Variants in NFIA observed in about 807,000 individuals in gnomAD.
NFIA encodes the protein nuclear factor 1 A-type.
A neutral mutation model predicts 62.8 loss-of-function variants in NFIA; 8 were observed. That is an observed-to-expected ratio of 0.13 (90% CI 0.07 to 0.23). The LOEUF (loss-of-function observed/expected upper bound fraction) is 0.23. Among genes scored for constraint, NFIA ranks in the 10% least tolerant of loss-of-function variants. The pLI, the probability that NFIA is intolerant of heterozygous loss-of-function variation, is 1.00. For missense variants in NFIA, 410 were observed against 642.1 expected, an observed-to-expected ratio of 0.64 and a Z score of 3.91; for synonymous variants, 235 against 238.1, an observed-to-expected ratio of 0.99 and a Z score of 0.12.
chr1:61,147,986 GTTTAA>G (rs1410708503), intron 2 of NFIA, among the ~76,000 whole-genome samples: 2 of 152,250 alleles, frequency 1.3e-5, no homozygotes, highest in South Asian at 2.1e-4. Flanking sequence ...GGTGTGAATA[GTTTAA>G]TTTAGTAGGT....
intron 2 of NFIA, among the ~76,000 whole-genome samples, chr1:61,206,990 A>G (rs1417049288): frequency 1.3e-5 from 2 of 152,204 alleles, no homozygotes; most frequent in African/African-American, 4.8e-5. Context: ...TCTAGCACTA[A>G]TGGGAGTTAG....
intron 9 of NFIA, among the ~76,000 whole-genome samples, chr1:61,414,689 T>G (rs2499531): frequency 3.9e-5 from 6 of 152,126 alleles, no homozygotes; most frequent in Admixed American, 3.3e-4. Flanking sequence ...AGGGGAAATA[T>G]AAGGACTGTG....
Position 61,321,900 on chromosome 1 carries a change from T to C in NFIA, c.626-10612T>C, listed in dbSNP as rs556829287. ...CATGAACTTTCTTTCTATGAAGTCA[T>C]TGGGCAATCACATTTAGTTTAATTA... On this transcript the variant is annotated intron_variant, in intron 3 of 10. Coordinates refer to ENST00000403491, the MANE Select transcript of NFIA (RefSeq NM_001134673.4). Among the ~76,000 whole-genome samples, 7 of 152,348 alleles carry C rather than the reference T, an allele frequency of 4.6e-5. No individual in the cohort carries two copies. The South Asian group carries it at 1.0e-3, about 23-fold the overall frequency.
At chr1:61,082,326 C>T, upstream of NFIA, 1 of 265,966 alleles carries the variant, frequency 3.8e-6, no homozygotes, top group Non-Finnish European at 5.9e-6. Flanking sequence ...AGGCTCGGGA[C>T]CCGGCTGGCC....
rs1662601962 is a variant in NFIA, at chr1:61,352,578, T to C, written c.818+11T>C. The stretch of plus-strand genomic sequence containing the variant: ...CACATCCTCTACGAGGTAATTTTAT[T>C]GGCAGCTCTTGAAGAAATTATGCTA... On this transcript the variant is annotated intron_variant, in intron 5 of 10. Transcript: ENST00000403491. 1 of 1,587,026 alleles carries C rather than the reference T, an allele frequency of 6.3e-7. No homozygotes were observed. The highest frequency in any genetic ancestry group is 8.7e-7 in the Non-Finnish European group (1 of 1,155,512).
Position 61,205,930 on chromosome 1 carries a change from T to C in NFIA, c.560-71590T>C, listed in dbSNP as rs569217870. Among the ~76,000 whole-genome samples, 555 of 107,704 alleles carry C rather than the reference T, an allele frequency of 5.2e-3. 4 individuals are homozygous for C. The highest frequency in any genetic ancestry group is 0.018 in the African/African-American group (526 of 29,044). The allele number at this position is 107,704 out of a possible 152,430, so 70.7% of individuals were successfully genotyped here. On this transcript the variant is annotated intron_variant, in intron 2 of 10. Transcript: ENST00000403491. ...TTTTTTTTTTTTTTTTTTTTTTTTT[T>C]GAGACAGGGTCTTGCTTGCTGTGTC...
intron 3 of NFIA, among the ~76,000 whole-genome samples, chr1:61,321,260 A>C (rs1270798839): frequency 6.6e-6 from 1 of 151,866 alleles, no homozygotes; most frequent in African/African-American, 2.4e-5. Flanking sequence ...TAATCCCTAA[A>C]GATTATTTTT....
chr1:61,196,817 C>T (rs1403781772), intron 2 of NFIA, among the ~76,000 whole-genome samples: 1 of 151,528 alleles, frequency 6.6e-6, no homozygotes, highest in Non-Finnish European at 1.5e-5. Flanking sequence ...TGATGTAAAT[C>T]GACTTCTCTG....
intron 2 of NFIA, among the ~76,000 whole-genome samples, chr1:61,173,881 G>C (rs1650147211): frequency 6.6e-6 from 1 of 152,150 alleles, no homozygotes; most frequent in African/African-American, 2.4e-5. Context: ...CTGGGGTGAG[G>C]GTGGTACCTA....
At chr1:61,231,370 T>G (rs916850557) in intron 2 of NFIA, among the ~76,000 whole-genome samples, 6 of 152,204 alleles carry the variant, frequency 3.9e-5, no homozygotes, top group Non-Finnish European at 8.8e-5. Context: ...TCCTATGAAT[T>G]AGGATATAAA....
At chr1:61,354,122 A>G (rs2100433571) in intron 5 of NFIA, among the ~76,000 whole-genome samples, 1 of 152,244 alleles carries the variant, frequency 6.6e-6, no homozygotes, top group East Asian at 1.9e-4. Context: ...ATGTTTTATT[A>G]TCTTTTGTGA....
rs1269454718 is a variant in NFIA at position 61,460,787 on chromosome 1, A to G, written c.*5467A>G. On this transcript the variant is annotated 3_prime_UTR_variant, in exon 11 of 11. Transcript: ENST00000403491. ...GACCTTCTGGTATAGGTGATGTAAA[A>G]TAACCGTACAATATTAATGCATGCG... 3 of 152,258 alleles carry G rather than the reference A, an allele frequency of 2.0e-5. No homozygotes were observed. The highest frequency in any genetic ancestry group is 2.9e-5 in the Non-Finnish European group (2 of 68,046). 9.4% of individuals were successfully genotyped at this position (152,258 alleles called of 1,614,324 possible). A position where few individuals can be genotyped will look rare whatever the true frequency, so the allele number is the denominator to read the frequency against.
intron 4 of NFIA, among the ~76,000 whole-genome samples, chr1:61,334,721 G>T (rs1004569037): frequency 6.6e-6 from 1 of 151,204 alleles, no homozygotes; most frequent in Non-Finnish European, 1.5e-5. Context: ...CCTTTTAAGC[G>T]TAAGATTGGA....
chr1:61,448,796 A>G (rs1269419930), intron 10 of NFIA, among the ~76,000 whole-genome samples: 1 of 152,144 alleles, frequency 6.6e-6, no homozygotes, highest in Non-Finnish European at 1.5e-5. Flanking sequence ...AGGTTACGTG[A>G]TGAAAAATGG....
At chr1:61,090,109 G>C (rs1235008322) in intron 2 of NFIA, among the ~76,000 whole-genome samples, 1 of 152,104 alleles carries the variant, frequency 6.6e-6, no homozygotes, top group Non-Finnish European at 1.5e-5. Context: ...GGAATAAGTA[G>C]CCCTTTTTTA....
chr1:61,083,894 G>GC (rs962214480), intron 1 of NFIA, among the ~76,000 whole-genome samples: 3 of 151,698 alleles, frequency 2.0e-5, no homozygotes, highest in Non-Finnish European at 4.4e-5. Context: ...TCCTTTCCGT[G>GC]CCCCCCTGTC....
chr1:61,311,462 G>T (rs188601491), intron 3 of NFIA, among the ~76,000 whole-genome samples: 52 of 152,214 alleles, frequency 3.4e-4, no homozygotes, highest in Admixed American at 6.5e-4. Flanking sequence ...AGGTTTCTCA[G>T]CCTCAGCACC....
At chr1:61,215,492 AAAATT>A (rs201479313) in intron 2 of NFIA, among the ~76,000 whole-genome samples, 5,551 of 152,282 alleles carry the variant, frequency 0.036, 137 homozygotes, top group Non-Finnish European at 0.055. Flanking sequence ...GACTGGTTAA[AAAATT>A]AAATTAACTC....
chr1:61,385,042 G>C (rs1245112360), intron 7 of NFIA, among the ~76,000 whole-genome samples: 1 of 152,024 alleles, frequency 6.6e-6, no homozygotes, highest in Non-Finnish European at 1.5e-5. Flanking sequence ...GATCAGCCTG[G>C]CCAACATGGT....
Sources: gnomAD v4.1 joint callset for allele counts (sites outside exome capture counted in the v4.1 genomes callset) on GRCh38, gnomAD v4.1.1 for gene constraint, MANE v1.5 for transcripts, NCBI Gene and HGNC (gene_info 2026-07-23, HGNC 2026-07-21) for gene names.